Variants in CNTN5 observed in about 807,000 individuals in gnomAD.
CNTN5 encodes contactin-5.
In CNTN5, 77 loss-of-function variants were observed where a neutral mutation model predicts 129.1. That is an observed-to-expected ratio of 0.60 (90% confidence interval 0.50 to 0.72). The LOEUF (loss-of-function observed/expected upper bound fraction) is 0.72, where lower values mean the gene tolerates loss of function less well. Among genes scored for constraint, CNTN5 ranks in the 30% least tolerant of loss-of-function variants. The pLI, the probability that CNTN5 is intolerant of heterozygous loss-of-function variation, is 0.00. For synonymous variants in CNTN5, 509 were observed against 465.6 expected, an observed-to-expected ratio of 1.09 and a Z score of -1.20; for missense variants, 1,478 against 1,328.8, an observed-to-expected ratio of 1.11 and a Z score of -1.75.
At chr11:99,990,467 C>T (rs1454679664) in intron 8 of CNTN5, among the ~76,000 whole-genome samples, 76 of 151,332 alleles carry the variant, frequency 5.0e-4, no homozygotes, top group Non-Finnish European at 3.7e-4. Context: ...CACACACACA[C>T]ACACACACAC....
At chr11:99,809,421 G>C (rs66955728) in intron 3 of CNTN5, among the ~76,000 whole-genome samples, 1 of 151,896 alleles carries the variant, frequency 6.6e-6, no homozygotes, top group Non-Finnish European at 1.5e-5. Context: ...AATTTCCATA[G>C]TTACCTTTTA....
At chr11:99,858,695 T>C (rs576275726) in intron 6 of CNTN5, among the ~76,000 whole-genome samples, 62 of 149,668 alleles carry the variant, frequency 4.1e-4, no homozygotes, top group African/African-American at 1.5e-3. Context: ...TTTCTTAAGA[T>C]GTTATAAAAA....
chr11:100,198,050 A>G (rs548994598), intron 15 of CNTN5, among the ~76,000 whole-genome samples: 2 of 151,944 alleles, frequency 1.3e-5, no homozygotes, highest in Non-Finnish European at 2.9e-5. Context: ...ATAAGATTCA[A>G]TATCATGTGA....
intron 2 of CNTN5, among the ~76,000 whole-genome samples, chr11:99,459,249 A>G (rs1944602836): frequency 6.6e-6 from 1 of 152,008 alleles, no homozygotes; most frequent in Non-Finnish European, 1.5e-5. Context: ...AGGACTATGA[A>G]GGACATAAAA....
At chr11:99,496,778 G>C in intron 2 of CNTN5, among the ~76,000 whole-genome samples, 1 of 152,200 alleles carries the variant, frequency 6.6e-6, no homozygotes, top group African/African-American at 2.4e-5. Context: ...AGTAACTGGG[G>C]TTGGATGTTG....
At chr11:100,231,406 C>A (rs919381876) in intron 16 of CNTN5, among the ~76,000 whole-genome samples, 1 of 152,048 alleles carries the variant, frequency 6.6e-6, no homozygotes, top group Non-Finnish European at 1.5e-5. Context: ...AGGAAGGAGG[C>A]AGGATCTATA....
chr11:99,224,203 ACT>A (rs59833648), intron 1 of CNTN5, among the ~76,000 whole-genome samples: 10,089 of 151,936 alleles, frequency 0.066, 901 homozygotes, highest in African/African-American at 0.21. Flanking sequence ...CTTCTGAAAC[ACT>A]CTTTCTAGAA....
intron 8 of CNTN5, among the ~76,000 whole-genome samples, chr11:99,987,524 AAT>A (rs10674388): frequency 0.065 from 9,201 of 141,318 alleles, 472 homozygotes; most frequent in African/African-American, 0.13. Flanking sequence ...TGTATTTATG[AAT>A]ATATATATAT....
chr11:99,896,576 C>T (rs2135932680), intron 6 of CNTN5, among the ~76,000 whole-genome samples: 2 of 152,280 alleles, frequency 1.3e-5, no homozygotes, highest in South Asian at 2.1e-4. Context: ...TCCACCCCTG[C>T]CTGATCCCTA....
At chr11:99,433,198 C>G (rs72989836) in intron 2 of CNTN5, among the ~76,000 whole-genome samples, 1 of 151,906 alleles carries the variant, frequency 6.6e-6, no homozygotes, top group Admixed American at 6.6e-5. Flanking sequence ...CTTGAGAGTA[C>G]AGCAGAGAAA....
intron 2 of CNTN5, among the ~76,000 whole-genome samples, chr11:99,326,019 G>A (rs926163357): frequency 1.3e-5 from 2 of 152,184 alleles, no homozygotes; most frequent in African/African-American, 4.8e-5. Flanking sequence ...TATGCAGTTT[G>A]CACAACAGCT....
intron 6 of CNTN5, among the ~76,000 whole-genome samples, chr11:99,886,207 T>C (rs1222730196): frequency 3.9e-5 from 6 of 152,040 alleles, no homozygotes; most frequent in African/African-American, 1.4e-4. Context: ...ACATATTCAG[T>C]TGCATTCATA....
intron 4 of CNTN5, among the ~76,000 whole-genome samples, chr11:99,825,212 A>C (rs1946915857): frequency 6.6e-6 from 1 of 152,100 alleles, no homozygotes; most frequent in Admixed American, 6.5e-5. Flanking sequence ...TAATTTCTTT[A>C]GGATGTTTTC....
chr11:99,562,218 CATCTT>C (rs748359069), intron 3 of CNTN5, among the ~76,000 whole-genome samples: 1 of 152,122 alleles, frequency 6.6e-6, no homozygotes, highest in African/African-American at 2.4e-5. Flanking sequence ...TTTTTCTGGC[CATCTT>C]ATCTTAACTG....
At chr11:99,863,911 G>T (rs887320754) in intron 6 of CNTN5, among the ~76,000 whole-genome samples, 3 of 152,060 alleles carry the variant, frequency 2.0e-5, no homozygotes, top group East Asian at 3.9e-4. Context: ...AAGTCAAGGG[G>T]GTATGAAGGT....
chr11:99,702,115 A>G (rs1018919743), intron 3 of CNTN5, among the ~76,000 whole-genome samples: 3 of 151,082 alleles, frequency 2.0e-5, no homozygotes, highest in African/African-American at 7.3e-5. Context: ...AAAGCTCACA[A>G]AAACTACCTT....
chr11:99,397,394 A>G (rs2136202098), intron 2 of CNTN5, among the ~76,000 whole-genome samples: 1 of 151,854 alleles, frequency 6.6e-6, no homozygotes, highest in African/African-American at 2.4e-5. Flanking sequence ...TACTCTTAGG[A>G]AGAAAGTCAT....
At position 99,359,340 on chromosome 11, in the gene CNTN5, C is replaced by T. The variant is rs768162663; in HGVS notation, c.-71+33856C>T. Among the ~76,000 whole-genome samples, 27 of 152,118 alleles carry T rather than the reference C, an allele frequency of 1.8e-4. 1 individual carries two copies. Among genetic ancestry groups the T allele is most frequent in the Non-Finnish European group, 3.5e-4 (24 of 67,992 alleles). ...ACCCTTTTTCTAAAGGCACTACTCC[C>T]ATTCATGAGGGCAGAGTCCTCATGA... On this transcript the variant is annotated intron_variant, in intron 2 of 24. Transcript: ENST00000524871.
intron 13 of CNTN5, among the ~76,000 whole-genome samples, chr11:100,091,100 T>C (rs1944763753): frequency 6.6e-6 from 1 of 152,132 alleles, no homozygotes; most frequent in Admixed American, 6.5e-5. Context: ...TTTCTCTTTG[T>C]CCCATTCCCG....
Sources: allele counts gnomAD v4.1 joint callset (sites outside exome capture counted in the v4.1 genomes callset), GRCh38; gene constraint gnomAD v4.1.1; transcripts MANE v1.5; gene names NCBI Gene and HGNC (gene_info 2026-07-23, HGNC 2026-07-21).